The following CCSER1 variants were observed in gnomAD, a reference collection of about 807,000 sequenced individuals.
CCSER1 encodes serine-rich coiled-coil domain-containing protein 1.
In CCSER1, 41 loss-of-function variants were observed where a neutral mutation model predicts 82.0. The observed-to-expected ratio is 0.50, with a 90% CI of 0.39 to 0.65. CCSER1 has a LOEUF of 0.65. CCSER1 is among the 30% of genes least tolerant of loss of function. The pLI is 0.00. For missense variants in CCSER1, 1,119 were observed against 1,064.2 expected (o/e 1.05, Z -0.72); for synonymous variants, 414 against 383.9 (o/e 1.08, Z -0.92).
intron 9 of CCSER1, among the ~76,000 whole-genome samples, chr4:91,018,813 T>C (rs1269537495): frequency 6.6e-6 from 1 of 152,070 alleles, no homozygotes; most frequent in Non-Finnish European, 1.5e-5. Flanking sequence ...ATTTAAGTGT[T>C]GTAAATTCAA....
At chr4:90,269,995 G>T (rs1250748212) in intron 1 of CCSER1, among the ~76,000 whole-genome samples, 2 of 151,992 alleles carry the variant, frequency 1.3e-5, no homozygotes, top group Non-Finnish European at 2.9e-5. Context: ...AATCTGAGCA[G>T]ACCAGAAACA....
At chr4:90,552,276 T>C (rs1359018523) in intron 5 of CCSER1, among the ~76,000 whole-genome samples, 1 of 152,214 alleles carries the variant, frequency 6.6e-6, no homozygotes, top group Non-Finnish European at 1.5e-5. Context: ...GATTGTTGAA[T>C]GAATCAATTG....
At chr4:90,877,971 C>A (rs537793411) in intron 8 of CCSER1, among the ~76,000 whole-genome samples, 1 of 152,266 alleles carries the variant, frequency 6.6e-6, no homozygotes, top group Non-Finnish European at 1.5e-5. Context: ...GCATGTCCAG[C>A]AAGCTTCCAT....
intron 8 of CCSER1, among the ~76,000 whole-genome samples, chr4:90,857,507 G>C (rs1370203270): frequency 6.6e-6 from 1 of 152,002 alleles, no homozygotes; most frequent in African/African-American, 2.4e-5. Flanking sequence ...CACTTTTGCT[G>C]TATTCTATTC....
At chr4:90,297,306 G>C (rs1303312424) in intron 1 of CCSER1, among the ~76,000 whole-genome samples, 2 of 148,834 alleles carry the variant, frequency 1.3e-5, no homozygotes, top group South Asian at 2.1e-4. Context: ...TCTGTTATTG[G>C]TGTATAAGAA....
At chr4:90,927,666 T>C (rs1169263028) in intron 9 of CCSER1, among the ~76,000 whole-genome samples, 1 of 152,044 alleles carries the variant, frequency 6.6e-6, no homozygotes, top group Non-Finnish European at 1.5e-5. Context: ...ATTTGCATTA[T>C]GGATGTACAC....
chr4:90,502,684 C>T (rs563454402), intron 5 of CCSER1, among the ~76,000 whole-genome samples: 2 of 151,742 alleles, frequency 1.3e-5, no homozygotes, highest in Admixed American at 6.6e-5. Flanking sequence ...AAAACAAGAT[C>T]GAAGAAGAGA....
intron 3 of CCSER1, among the ~76,000 whole-genome samples, chr4:90,369,162 G>A (rs930673853): frequency 3.3e-5 from 5 of 150,276 alleles, no homozygotes; most frequent in African/African-American, 1.2e-4. Flanking sequence ...AGGAAGGAGA[G>A]GAGGAGGAAA....
intron 10 of CCSER1, among the ~76,000 whole-genome samples, chr4:91,589,291 A>C (rs1005990059): frequency 2.0e-5 from 3 of 151,926 alleles, no homozygotes; most frequent in African/African-American, 7.2e-5. Context: ...TTTAGGGCTC[A>C]CATTATTTAA....
chr4:90,303,037 A>G (rs900368377), intron 1 of CCSER1, among the ~76,000 whole-genome samples: 1 of 152,192 alleles, frequency 6.6e-6, no homozygotes, highest in East Asian at 1.9e-4. Flanking sequence ...CAAGGGAAAT[A>G]CAAGTTCATA....
chr4:90,994,186 A>G (rs1408446449), intron 9 of CCSER1, among the ~76,000 whole-genome samples: 1 of 98,430 alleles, frequency 1.0e-5, no homozygotes, highest in Admixed American at 1.2e-4. Flanking sequence ...AGCCTAAGCA[A>G]CATGTAGAGA....
At chr4:90,851,815 A>G (rs1462109467) in intron 8 of CCSER1, among the ~76,000 whole-genome samples, 1 of 152,218 alleles carries the variant, frequency 6.6e-6, no homozygotes, top group African/African-American at 2.4e-5. Context: ...GCTTAAATGT[A>G]CAGCCATTTA....
rs138629989 is a variant in CCSER1, at chr4:91,513,292, C to G, written c.2218-85280C>G. Reference sequence around the variant, plus strand: ...CACAATTTTTTATTTGCATCCCAACCTTATATTCCAGGAATGAAGCCATGT... The same window carrying G: ...CACAATTTTTTATTTGCATCCCAACGTTATATTCCAGGAATGAAGCCATGT... On this transcript the variant is annotated intron_variant, in intron 10 of 10. Transcript: ENST00000509176. Among the ~76,000 whole-genome samples, 22 of 152,152 alleles carry G rather than the reference C, an allele frequency of 1.4e-4. No homozygotes were observed. In the East Asian group the frequency reaches 4.2e-3, roughly 29 times the overall value.
intron 1 of CCSER1, among the ~76,000 whole-genome samples, chr4:90,294,758 T>C (rs976255590): frequency 2.0e-5 from 3 of 152,036 alleles, no homozygotes; most frequent in Admixed American, 2.0e-4. Context: ...GTATTACATA[T>C]AACACCATGT....
chr4:90,558,045 T>A (rs1778334554), intron 5 of CCSER1, among the ~76,000 whole-genome samples: 1 of 152,160 alleles, frequency 6.6e-6, no homozygotes, highest in Admixed American at 6.5e-5. Context: ...TGCTGTTAGG[T>A]AACAAATAAA....
At chr4:90,158,130 A>G (rs1033556417) in intron 1 of CCSER1, among the ~76,000 whole-genome samples, 6 of 152,252 alleles carry the variant, frequency 3.9e-5, no homozygotes, top group Admixed American at 3.3e-4. Flanking sequence ...GGAGTTTGCT[A>G]GAGGTCCACT....
intron 6 of CCSER1, among the ~76,000 whole-genome samples, chr4:90,657,062 C>T (rs1192026496): frequency 6.6e-6 from 1 of 152,024 alleles, no homozygotes; most frequent in African/African-American, 2.4e-5. Context: ...TACATACAGT[C>T]ATCTATCTGG....
intron 10 of CCSER1, among the ~76,000 whole-genome samples, chr4:91,550,131 A>G (rs1762091935): frequency 6.6e-6 from 1 of 152,160 alleles, no homozygotes; most frequent in South Asian, 2.1e-4. Flanking sequence ...GGCTCTGGGA[A>G]AATAGTTTCT....
At chr4:90,597,448 A>G (rs1253067642) in intron 5 of CCSER1, among the ~76,000 whole-genome samples, 4 of 151,330 alleles carry the variant, frequency 2.6e-5, no homozygotes, top group African/African-American at 9.8e-5. Flanking sequence ...AAAATATACT[A>G]TTTAAGTTTT....
Sources: allele counts gnomAD v4.1 joint callset (sites outside exome capture counted in the v4.1 genomes callset), GRCh38; gene constraint gnomAD v4.1.1; transcripts MANE v1.5; gene names NCBI Gene and HGNC (gene_info 2026-07-23, HGNC 2026-07-21).